TMEM178B: variants seen among roughly 807,000 people sequenced by gnomAD.
TMEM178B encodes transmembrane protein 178B.
Under a neutral mutation model 31.0 loss-of-function variants are expected in TMEM178B, and 5 were observed. That is an observed-to-expected ratio of 0.16 (90% CI 0.08 to 0.34). The LOEUF is 0.34. TMEM178B is among the 10% of genes least tolerant of loss of function. The probability of loss-of-function intolerance (pLI) is 1.00; values close to 1 mark genes in which losing one functional copy is unlikely to be tolerated. For missense variants in TMEM178B, 275 were observed against 400.3 expected (o/e 0.69, Z 2.67); for synonymous variants, 164 against 164.0 (o/e 1.00, Z 0.00).
intron 2 of TMEM178B, among the ~76,000 whole-genome samples, chr7:141,330,372 G>A (rs112742502): frequency 2.0e-5 from 3 of 152,254 alleles, no homozygotes; most frequent in African/African-American, 7.2e-5. Context: ...GAGAACATAT[G>A]GTGTTTGGTT....
intron 1 of TMEM178B, among the ~76,000 whole-genome samples, chr7:141,132,215 A>G (rs952478175): frequency 1.3e-5 from 2 of 152,174 alleles, no homozygotes; most frequent in African/African-American, 4.8e-5. Flanking sequence ...TTGGCAGGTC[A>G]TAAGTTCCTA....
Position 141,170,488 on chromosome 7 carries a change from A to C in TMEM178B, c.383-42103A>C, listed in dbSNP as rs566628630. Among the ~76,000 whole-genome samples, 3 of 152,246 alleles carry C rather than the reference A, an allele frequency of 2.0e-5. No individual in the cohort carries two copies. The East Asian group carries it at 5.8e-4, about 29-fold the overall frequency. On this transcript the variant is annotated intron_variant, in intron 1 of 3. Coordinates refer to ENST00000565468, the MANE Select transcript of TMEM178B (RefSeq NM_001195278.2). ...AATCTGAGTATGCCTCATAGTGTTCACCTGTAGATGGGAACCATCAGTTGT... is the reference window on the plus strand; with the variant it reads ...AATCTGAGTATGCCTCATAGTGTTCCCCTGTAGATGGGAACCATCAGTTGT...
intron 2 of TMEM178B, among the ~76,000 whole-genome samples, chr7:141,408,430 C>G (rs1160842990): frequency 6.6e-6 from 1 of 152,190 alleles, no homozygotes; most frequent in African/African-American, 2.4e-5. Context: ...GGCCCCACCC[C>G]CAGATATTTC....
At chr7:141,253,544 CTT>C (rs34199017) in intron 2 of TMEM178B, among the ~76,000 whole-genome samples, 2 of 70,040 alleles carry the variant, frequency 2.9e-5, no homozygotes, top group Middle Eastern at 0.014. Flanking sequence ...ATTTTCCCTT[CTT>C]TTTTTTTTTT....
intron 2 of TMEM178B, among the ~76,000 whole-genome samples, chr7:141,393,910 A>G (rs953176004): frequency 6.6e-6 from 1 of 152,052 alleles, no homozygotes; most frequent in Non-Finnish European, 1.5e-5. Context: ...AGCCTAGAAT[A>G]TTTCTTTTCT....
At chr7:141,167,381 C>A (rs1796278617) in intron 1 of TMEM178B, among the ~76,000 whole-genome samples, 1 of 152,264 alleles carries the variant, frequency 6.6e-6, no homozygotes, top group South Asian at 2.1e-4. Flanking sequence ...ATCTCAGCAT[C>A]CTGGGGCCCT....
chr7:141,144,603 G>A (rs1450328090), intron 1 of TMEM178B, among the ~76,000 whole-genome samples: 5 of 152,164 alleles, frequency 3.3e-5, no homozygotes, highest in Non-Finnish European at 7.3e-5. Flanking sequence ...CCTGAGCACT[G>A]GGGGTCGGAA....
At chr7:141,109,595 G>T (rs1002792934) in intron 1 of TMEM178B, among the ~76,000 whole-genome samples, 1 of 152,124 alleles carries the variant, frequency 6.6e-6, no homozygotes, top group African/African-American at 2.4e-5. Context: ...CATTGCAAGG[G>T]GGGGACTGTG....
At chr7:141,152,811 C>A (rs922197054) in intron 1 of TMEM178B, among the ~76,000 whole-genome samples, 2 of 152,218 alleles carry the variant, frequency 1.3e-5, no homozygotes, top group Non-Finnish European at 2.9e-5. Flanking sequence ...ACGTTCATTT[C>A]TCTTTTTAAA....
chr7:141,363,221 C>T (rs1435337457), intron 2 of TMEM178B, among the ~76,000 whole-genome samples: 1 of 152,160 alleles, frequency 6.6e-6, no homozygotes, highest in African/African-American at 2.4e-5. Context: ...CACAAACCTT[C>T]GGGATTCGCC....
intron 2 of TMEM178B, among the ~76,000 whole-genome samples, chr7:141,397,034 G>A (rs1800670107): frequency 6.6e-6 from 1 of 152,208 alleles, no homozygotes; most frequent in Non-Finnish European, 1.5e-5. Context: ...GAAACGAGAT[G>A]TGGGAATAGT....
At chr7:141,341,346 A>G (rs973298641) in intron 2 of TMEM178B, among the ~76,000 whole-genome samples, 2 of 152,228 alleles carry the variant, frequency 1.3e-5, no homozygotes, top group Non-Finnish European at 2.9e-5. Context: ...TGAGCCGGGA[A>G]GGTGTGGGGA....
chr7:141,088,851 G>A (rs936058454), intron 1 of TMEM178B, among the ~76,000 whole-genome samples: 5 of 152,208 alleles, frequency 3.3e-5, no homozygotes, highest in African/African-American at 1.2e-4. Flanking sequence ...ATAAATTGAA[G>A]TTTATTATAT....
rs1027961122 is a variant in TMEM178B at position 141,129,138 on chromosome 7, C to T, written c.382+54446C>T. ...CATTTCAGGGATGCCCTTGAGGGTACGGATTGTGTTGTGATGTTCATTCGT... is the reference window on the plus strand; with the variant it reads ...CATTTCAGGGATGCCCTTGAGGGTATGGATTGTGTTGTGATGTTCATTCGT... On this transcript the variant is annotated intron_variant, in intron 1 of 3. Coordinates refer to ENST00000565468, the MANE Select transcript of TMEM178B (RefSeq NM_001195278.2). 1.3e-5 allele frequency among the ~76,000 whole-genome samples: 2 copies of T among 152,060 alleles called. 1 individual carries two copies. The highest frequency in any genetic ancestry group is 2.9e-5 in the Non-Finnish European group (2 of 68,012).
chr7:141,468,234 ACTT>A (rs1802179790), intron 3 of TMEM178B, among the ~76,000 whole-genome samples: 1 of 152,168 alleles, frequency 6.6e-6, no homozygotes, highest in African/African-American at 2.4e-5. Context: ...TGCCCCAAGA[ACTT>A]CTTCAGGATG....
chr7:141,132,040 C>A (rs1586787141), intron 1 of TMEM178B, among the ~76,000 whole-genome samples: 1 of 152,150 alleles, frequency 6.6e-6, no homozygotes, highest in South Asian at 2.1e-4. Flanking sequence ...TATATAATTT[C>A]ACTCCTCTTT....
chr7:141,352,431 G>A (rs1034372000), intron 2 of TMEM178B: 2 of 150,942 alleles, frequency 1.3e-5, no homozygotes, highest in Admixed American at 6.6e-5. Context: ...AGGCTGGAGT[G>A]CAGTGGTGCG....
chr7:141,142,795 C>T (rs1379077735), intron 1 of TMEM178B, among the ~76,000 whole-genome samples: 6 of 152,208 alleles, frequency 3.9e-5, no homozygotes, highest in Admixed American at 1.3e-4. Context: ...GAGAAATCTC[C>T]GAATTGCTTT....
At chr7:141,351,445 TGA>T (rs986152769) in intron 2 of TMEM178B, among the ~76,000 whole-genome samples, 1 of 152,228 alleles carries the variant, frequency 6.6e-6, no homozygotes, top group African/African-American at 2.4e-5. Flanking sequence ...GGCAGGTTTC[TGA>T]GAGAGAGCAG....
Sources: allele counts gnomAD v4.1 joint callset (sites outside exome capture counted in the v4.1 genomes callset), GRCh38; gene constraint gnomAD v4.1.1; transcripts MANE v1.5; gene names NCBI Gene and HGNC (gene_info 2026-07-23, HGNC 2026-07-21).